Variants in NUBPL observed in about 807,000 individuals in gnomAD.
NUBPL encodes the protein NUBP iron-sulfur cluster assembly factor, mitochondrial, also known as iron-sulfur cluster transfer protein NUBPL.
In NUBPL, 31 loss-of-function variants were observed where a neutral mutation model predicts 45.7. The observed-to-expected ratio is 0.68, with a 90% CI of 0.51 to 0.92. NUBPL has a LOEUF of 0.92. NUBPL is among the 40% of genes least tolerant of loss of function. The pLI is 0.00. For synonymous variants in NUBPL, 144 were observed against 140.9 expected (o/e 1.02, Z -0.15); for missense variants, 401 against 398.7 (o/e 1.01, Z -0.05).
intron 8 of NUBPL, chr14:31,844,935 A>G (rs2040429354): frequency 6.6e-6 from 1 of 152,192 alleles, no homozygotes; most frequent in South Asian, 2.1e-4. Context: ...GAGCCTATCT[A>G]TTTATTCAAC....
intron 8 of NUBPL, among the ~76,000 whole-genome samples, chr14:31,827,436 C>G (rs1349756633): frequency 3.3e-5 from 5 of 151,884 alleles, no homozygotes. Flanking sequence ...AAAGAAGAAC[C>G]TGTGTATGTA....
chr14:31,637,790 A>G (rs2035550939), intron 4 of NUBPL, among the ~76,000 whole-genome samples: 1 of 152,154 alleles, frequency 6.6e-6, no homozygotes, highest in Non-Finnish European at 1.5e-5. Flanking sequence ...GGGTGCATAT[A>G]TATTAAGATA....
intron 4 of NUBPL, among the ~76,000 whole-genome samples, chr14:31,624,131 T>C (rs1314439765): frequency 1.3e-5 from 2 of 152,128 alleles, no homozygotes; most frequent in Non-Finnish European, 2.9e-5. Flanking sequence ...TCTGAAGTGA[T>C]AGAAATGGAG....
At chr14:31,704,380 T>C (rs2037401548) in intron 6 of NUBPL, among the ~76,000 whole-genome samples, 2 of 152,180 alleles carry the variant, frequency 1.3e-5, no homozygotes, top group Admixed American at 1.3e-4. Context: ...GAAAGTATAA[T>C]TGGCCAGGCA....
At chr14:31,792,378 C>T (rs1014581487) in intron 7 of NUBPL, among the ~76,000 whole-genome samples, 1 of 152,190 alleles carries the variant, frequency 6.6e-6, no homozygotes, top group African/African-American at 2.4e-5. Flanking sequence ...CTTTAACTCA[C>T]ACATTCCAGG....
chr14:31,784,660 A>G (rs1030235687), intron 6 of NUBPL, among the ~76,000 whole-genome samples: 1 of 152,136 alleles, frequency 6.6e-6, no homozygotes, highest in African/African-American at 2.4e-5. Flanking sequence ...GATGGAGGTC[A>G]TGGGTAGTCT....
chr14:31,818,420 A>G lies in NUBPL; in HGVS notation c.608-8209A>G, dbSNP rs144925108. ...CTTAGCCTTCCAAAGTTCACATGCTATCTCTCACCAGTATCTTTGTTTTTT... is the reference window on the plus strand; with the variant it reads ...CTTAGCCTTCCAAAGTTCACATGCTGTCTCTCACCAGTATCTTTGTTTTTT... On this transcript the variant is annotated intron_variant, in intron 7 of 10. Transcript: ENST00000281081. Among the ~76,000 whole-genome samples the G allele has an allele frequency of 1.9e-3, 290 of 152,338 alleles. 1 individual carries two copies. Among genetic ancestry groups the G allele is most frequent in the African/African-American group, 6.4e-3 (266 of 41,574 alleles).
chr14:31,624,041 A>G (rs2035140651), intron 4 of NUBPL, among the ~76,000 whole-genome samples: 1 of 152,172 alleles, frequency 6.6e-6, no homozygotes, highest in African/African-American at 2.4e-5. Context: ...AAGGAAACGT[A>G]ATAGGACTAG....
chr14:31,743,673 C>T (rs1214870295), intron 6 of NUBPL, among the ~76,000 whole-genome samples: 3 of 152,192 alleles, frequency 2.0e-5, no homozygotes, highest in African/African-American at 7.2e-5. Context: ...AGCCACTGCG[C>T]TTAGCCGGTT....
intron 3 of NUBPL, among the ~76,000 whole-genome samples, chr14:31,598,252 G>A (rs2034335843): frequency 6.6e-6 from 1 of 152,070 alleles, no homozygotes; most frequent in Admixed American, 6.6e-5. Context: ...ATGTTCATAG[G>A]AACCAGATAA....
At chr14:31,701,979 C>G (rs1486117495) in intron 6 of NUBPL, among the ~76,000 whole-genome samples, 1 of 152,116 alleles carries the variant, frequency 6.6e-6, no homozygotes, top group Non-Finnish European at 1.5e-5. Flanking sequence ...GAGCATAGTC[C>G]CCATGAGACT....
At chr14:31,575,060 TA>T (rs1156507827) in intron 3 of NUBPL, among the ~76,000 whole-genome samples, 2 of 152,212 alleles carry the variant, frequency 1.3e-5, no homozygotes, top group African/African-American at 4.8e-5. Context: ...TCAAAGCATT[TA>T]TTTTTTTCTC....
intron 3 of NUBPL, among the ~76,000 whole-genome samples, chr14:31,586,594 A>G (rs2034002779): frequency 1.3e-5 from 2 of 152,202 alleles, no homozygotes; most frequent in Non-Finnish European, 2.9e-5. Flanking sequence ...AGAGGAAGAA[A>G]AAGAATGTGT....
At chr14:31,768,775 A>T (rs2038957777) in intron 6 of NUBPL, among the ~76,000 whole-genome samples, 1 of 152,200 alleles carries the variant, frequency 6.6e-6, no homozygotes, top group African/African-American at 2.4e-5. Flanking sequence ...CAAAACACCC[A>T]TTGAGACTTG....
intron 4 of NUBPL, among the ~76,000 whole-genome samples, chr14:31,633,690 A>G (rs2035405277): frequency 6.6e-6 from 1 of 152,146 alleles, no homozygotes. Context: ...TGACAGCTCT[A>G]TTTATTAACT....
chr14:31,737,955 A>G (rs576022985), intron 6 of NUBPL, among the ~76,000 whole-genome samples: 3 of 151,838 alleles, frequency 2.0e-5, no homozygotes, highest in African/African-American at 7.3e-5. Context: ...TTCATTTTTT[A>G]TTTGTAAGCA....
At chr14:31,750,526 C>T (rs2038504586) in intron 6 of NUBPL, among the ~76,000 whole-genome samples, 1 of 151,944 alleles carries the variant, frequency 6.6e-6, no homozygotes, top group Non-Finnish European at 1.5e-5. Flanking sequence ...ATTTTTCATG[C>T]ATTTTGTAGA....
chr14:31,827,054 C>T (rs78004526), intron 8 of NUBPL, among the ~76,000 whole-genome samples: 5,177 of 152,028 alleles, frequency 0.034, 276 homozygotes, highest in African/African-American at 0.12. Context: ...TATGGGGAAG[C>T]GGATGAAAAA....
intron 7 of NUBPL, among the ~76,000 whole-genome samples, chr14:31,816,882 G>C (rs1360859414): frequency 1.3e-5 from 2 of 152,040 alleles, no homozygotes; most frequent in Non-Finnish European, 2.9e-5. Context: ...TGATTGCACT[G>C]TGGTCTGAGA....
Sources: allele counts gnomAD v4.1 joint callset (sites outside exome capture counted in the v4.1 genomes callset), GRCh38; gene constraint gnomAD v4.1.1; transcripts MANE v1.5; gene names NCBI Gene and HGNC (gene_info 2026-07-23, HGNC 2026-07-21).